RHBG: variants seen among roughly 807,000 people sequenced by gnomAD.
RHBG encodes ammonium transporter Rh type B.
In RHBG, 39 loss-of-function variants were observed where a neutral mutation model predicts 40.1. The observed-to-expected ratio is 0.97, with a 90% CI of 0.75 to 1.27. RHBG has a LOEUF of 1.27. Among genes scored for constraint, RHBG ranks in the 50% most tolerant of loss-of-function variants. The probability of loss-of-function intolerance (pLI) is 0.00; values close to 1 mark genes in which losing one functional copy is unlikely to be tolerated. For missense variants in RHBG, 549 were observed against 588.1 expected (o/e 0.93, Z 0.69); for synonymous variants, 237 against 252.5 (o/e 0.94, Z 0.58).
Position 156,377,422 on chromosome 1 carries a change from G to T in RHBG, c.309G>T (p.Trp103Cys). The T allele has an allele frequency of 6.2e-7, 1 of 1,614,178 alleles. No individual in the cohort carries two copies. The highest frequency in any genetic ancestry group is 2.2e-5 in the East Asian group (1 of 44,888). The change falls in exon 2 of 10, where the codon TGG becomes TGT. Residue 103 changes from tryptophan to cysteine, a missense_variant. By Grantham distance (215) the Trp-to-Cys change is radical. Around this residue, in one of 3 missense-constraint regions of RHBG, gnomAD observed 51 missense variants for 85.9 expected, o/e 0.59. Coordinates refer to ENST00000537040, the MANE Select transcript of RHBG (RefSeq NM_020407.5). The surrounding 1 kb of genome is among the most constrained non-coding windows in gnomAD (Gnocchi z 4.6). ...TCCTGGCCGCCTTTGCCCTGCAGTGGTCCACACTGGTCCAGGGCTTTCTCC... is the reference window on the plus strand; with the variant it reads ...TCCTGGCCGCCTTTGCCCTGCAGTGTTCCACACTGGTCCAGGGCTTTCTCC... ...TFLLAAFALQWSTLVQGFLHS... is the reference protein window; with the variant it reads ...TFLLAAFALQCSTLVQGFLHS...
In RHBG at chr1:156,384,565, G is replaced by A. The variant is rs1667917101; in HGVS notation, c.1273G>A (p.Asp425Asn). The A allele has an allele frequency of 6.3e-7, 1 of 1,582,406 alleles. No homozygotes were observed. Among genetic ancestry groups the A allele is most frequent in the South Asian group, 1.1e-5 (1 of 87,634 alleles). The change falls in exon 9 of 10, where the codon GAC becomes AAC. Residue 425 changes from aspartate to asparagine, a missense_variant. Transcript: ENST00000537040. The stretch of plus-strand genomic sequence containing the variant: ...GCTACCCTTTCTGGACTCCCCCCCA[G>A]ACTCCCAGCACTACGAGGACCAAGT... The part of the protein sequence containing the change: ...LKLPFLDSPP[D>N]SQHYEDQVHW...
intron 1 of RHBG, among the ~76,000 whole-genome samples, chr1:156,376,506 G>C (rs1385660339): frequency 6.6e-6 from 1 of 152,084 alleles, no homozygotes; most frequent in East Asian, 1.9e-4. Context: ...TGGCATTACA[G>C]GTGCGTGCCA....
chr1:156,383,068 C>A (rs986468284), intron 8 of RHBG, among the ~76,000 whole-genome samples, 199 bp downstream of exon 8: 5 of 152,212 alleles, frequency 3.3e-5, no homozygotes, highest in Admixed American at 2.0e-4. Context: ...CCGAGGGCAG[C>A]TGGGGAGTCC....
Position 156,377,466 on chromosome 1 carries a change from AC to A in RHBG, c.354del (p.His118GlnfsTer9). ...TTTCTCCACTCCTTCCACGGTGGCC[AC>A]ATCCATGTTGGCGTGGAGAGGTGGG... ...QGFLHSFHGG[H>X]IHVGVESMIN... On this transcript the variant is annotated frameshift_variant, in exon 2 of 10. Transcript: ENST00000537040. LOFTEE classifies it high-confidence loss of function. This position sits in a 1 kb window ranked among gnomAD's most constrained non-coding sequence, Gnocchi z 4.6. The A allele has an allele frequency of 3.1e-6, 5 of 1,611,910 alleles. No individual in the cohort carries two copies. Among genetic ancestry groups the A allele is most frequent in the Non-Finnish European group, 4.2e-6 (5 of 1,178,180 alleles).
chr1:156,371,655 A>G (rs1034382915), intron 1 of RHBG: 1 of 154,370 alleles, frequency 6.5e-6, no homozygotes, highest in African/African-American at 2.4e-5. Context: ...CCCATATTTC[A>G]TCCACAGCCC....
At chr1:156,375,880 C>T (rs545391206) in intron 1 of RHBG, among the ~76,000 whole-genome samples, 2 of 152,032 alleles carry the variant, frequency 1.3e-5, no homozygotes, top group South Asian at 2.1e-4. Context: ...GCTGGGACTA[C>T]AGGCACATGC....
In RHBG at chr1:156,377,365, T is replaced by A. The variant is rs1571000523; in HGVS notation, c.252T>A (p.Arg84=). Residue 84 remains arginine (R), a synonymous_variant, in exon 2 of 10, where the codon CGT becomes CGA. Transcript: ENST00000537040. This position sits in a 1 kb window ranked among gnomAD's most constrained non-coding sequence, Gnocchi z 4.6. ...GFGFLMVFLQ[R]YGFSSVGFTF... ...GCTTCCTCATGGTCTTCCTGCAGCG[T>A]TACGGCTTCAGCAGCGTGGGCTTCA... is the stretch of plus-strand genomic sequence containing the variant. 6.2e-7 allele frequency: 1 copy of A among 1,614,166 alleles called. No individual in the cohort carries two copies. The highest frequency in any genetic ancestry group is 1.3e-5 in the African/African-American group (1 of 75,068).
intron 4 of RHBG, among the ~76,000 whole-genome samples, chr1:156,380,832 T>C (rs1326951887): frequency 6.6e-6 from 1 of 152,178 alleles, no homozygotes; most frequent in Admixed American, 6.5e-5. Flanking sequence ...GGGCATTTTG[T>C]GCCTGCTAGG....
In RHBG at chr1:156,369,342, T is replaced by G; in HGVS notation, c.93T>G (p.Ala31=). 6.2e-7 allele frequency: 1 copy of G among 1,614,220 alleles called. No homozygotes were observed. Among genetic ancestry groups the G allele is most frequent in the Non-Finnish European group, 8.5e-7 (1 of 1,180,038 alleles). Residue 31 remains alanine (A), a synonymous_variant, in exon 1 of 10, where the codon GCT becomes GCG. Transcript: ENST00000537040. The part of the protein sequence containing the change: ...FLQGATAVLF[A]VFVRYNHKTD... ...AGGGCGCCACTGCCGTCCTCTTTGCTGTCTTTGTCCGCTACAACCACAAAA... is the reference window on the plus strand; with the variant it reads ...AGGGCGCCACTGCCGTCCTCTTTGCGGTCTTTGTCCGCTACAACCACAAAA...
Position 156,384,951 on chromosome 1 carries a change from C to A in RHBG, c.*106C>A. The A allele has an allele frequency of 1.4e-6, 1 of 719,546 alleles. No individual in the cohort carries two copies. Among genetic ancestry groups the A allele is most frequent in the Non-Finnish European group, 2.4e-6 (1 of 422,574 alleles). 44.6% of individuals were successfully genotyped at this position (719,546 alleles called of 1,614,324 possible). On this transcript the variant is annotated 3_prime_UTR_variant, in exon 10 of 10. Coordinates refer to ENST00000537040, the MANE Select transcript of RHBG (RefSeq NM_020407.5). ...CATTCCTCCAGCTGCAAGAAGGGAG[C>A]CATGAGCCAGAAGGAGGCCCCTTTC...
chr1:156,381,363 G>A lies in RHBG; in HGVS notation c.690G>A (p.Trp230Ter), dbSNP rs1667619535. 1 of 1,614,128 alleles carries A rather than the reference G, an allele frequency of 6.2e-7. No individual in the cohort carries two copies. Among genetic ancestry groups the A allele is most frequent in the South Asian group, 1.1e-5 (1 of 91,088 alleles). ...ACCATCTAGGGACCATCTTCCTGTG[G>A]ATCTTCTGGCCTAGCTTCAATGCTG... ...LFAMIGTIFL[W>*]IFWPSFNAAL... Residue 230 changes from tryptophan to a stop codon, truncating the protein, a stop_gained, in exon 5 of 10, where the codon TGG becomes TGA. Transcript: ENST00000537040. LOFTEE classifies it high-confidence loss of function.
intron 4 of RHBG, among the ~76,000 whole-genome samples, chr1:156,380,234 CT>C (rs1483044979): frequency 6.6e-6 from 1 of 151,624 alleles, no homozygotes; most frequent in Non-Finnish European, 1.5e-5. Flanking sequence ...CCTCAGCCTC[CT>C]GAGGAGCTGG....
rs760815078 is a variant in RHBG at position 156,382,787 on chromosome 1, C to T, written c.1152C>T (p.Arg384=). Residue 384 remains arginine, a synonymous_variant, in exon 8 of 10, where the codon CGC becomes CGT. Transcript: ENST00000537040. The part of the protein sequence containing the change: ...SVFPLIAEGQ[R]SATSQAMHQL... ...TTCCACTCATAGCCGAGGGCCAGCG[C>T]AGTGCCACGTCACAGGCCATGCACC... 7 of 1,614,202 alleles carry T rather than the reference C, an allele frequency of 4.3e-6. No individual in the cohort carries two copies. The South Asian group carries it at 6.6e-5, about 15-fold the overall frequency.
chr1:156,384,720 T>A (rs1667928207), intron 9 of RHBG, 57 bp from the exon 10 acceptor site: 8 of 1,585,716 alleles, frequency 5.0e-6, no homozygotes, highest in Non-Finnish European at 5.2e-6. Context: ...ACCCCTGAAC[T>A]GTGGCTTCCA....
At position 156,381,921 on chromosome 1, in the gene RHBG, C is replaced by T. The variant is rs745672425; in HGVS notation, c.956C>T (p.Thr319Met). ...GGCTTCTTGGCTGGGACTGTCTCCA[C>T]GCTGGGGTACAAGTTCTTCACGGTA... is the stretch of plus-strand genomic sequence containing the variant. ...AAGFLAGTVSTLGYKFFTPIL... is the reference protein window; with the variant it reads ...AAGFLAGTVSMLGYKFFTPIL... The change falls in exon 6 of 10, where the codon ACG becomes ATG. Residue 319 changes from threonine to methionine, a missense_variant. Physicochemically the swap from Thr to Met is moderately conservative, Grantham distance 81 (BLOSUM62 -1). Coordinates refer to ENST00000537040, the MANE Select transcript of RHBG (RefSeq NM_020407.5). 1.6e-5 allele frequency: 25 copies of T among 1,611,390 alleles called. No homozygotes were observed. The highest frequency in any genetic ancestry group is 8.9e-5 in the East Asian group (4 of 44,876).
Position 156,381,533 on chromosome 1 carries a change from A to C in RHBG, c.840+20A>C, listed in dbSNP as rs776025164. 3 of 1,588,702 alleles carry C rather than the reference A, an allele frequency of 1.9e-6. No homozygotes were observed. Among genetic ancestry groups the C allele is most frequent in the East Asian group, 2.2e-5 (1 of 44,688 alleles). On this transcript the variant is annotated intron_variant, in intron 5 of 9. Transcript: ENST00000537040. ...GACATGGTATGGGGAAGAGGACTTC[A>C]GAGAGGCAGAGGGGGTGGCCTGGGC... is the stretch of plus-strand genomic sequence containing the variant.
rs774797865 is a variant in RHBG, at chr1:156,382,193, C to T, written c.1104C>T (p.Tyr368=). ...LVAGLATHEA[Y]GDGLESVFPL... ...CTGGACTTGCCACCCATGAAGCTTA[C>T]GGAGATGGGTGAGTTTCCTCCCAAC... Residue 368 remains tyrosine (Y), a synonymous_variant, in exon 7 of 10, where the codon TAC becomes TAT. Transcript: ENST00000537040. The T allele has an allele frequency of 2.5e-5, 41 of 1,613,964 alleles. No homozygotes were observed. Among genetic ancestry groups the T allele is most frequent in the African/African-American group, 1.3e-5 (1 of 74,890 alleles).
chr1:156,385,073 A>T lies in RHBG; in HGVS notation c.*228A>T, dbSNP rs894902906. ...GGTACAATAGGGGGAACCTCACCAG[A>T]TGCCCAACCCGACTGCCCTACCAGC... On this transcript the variant is annotated 3_prime_UTR_variant, in exon 10 of 10. Transcript: ENST00000537040. 4.3e-5 allele frequency: 21 copies of T among 488,254 alleles called. No homozygotes were observed. Among genetic ancestry groups the T allele is most frequent in the Non-Finnish European group, 7.8e-5 (21 of 269,836 alleles). 30.2% of individuals were successfully genotyped at this position (488,254 alleles called of 1,614,324 possible). A position where few individuals can be genotyped will look rare whatever the true frequency, so the allele number is the denominator to read the frequency against.
Position 156,381,810 on chromosome 1 carries a change from A to G in RHBG, c.845A>G (p.His282Arg). 6.3e-7 allele frequency: 1 copy of G among 1,583,536 alleles called. No homozygotes were observed. The highest frequency in any genetic ancestry group is 8.5e-7 in the Non-Finnish European group (1 of 1,172,310). ...VGEDGRLDMV[H>R]IQNAALAGGV... ...AACACCTTGCTCTTCCCTTAGGTCC[A>G]CATCCAAAATGCAGCGCTGGCTGGA... Residue 282 changes from histidine (H) to arginine (R), a missense_variant, in exon 6 of 10, where the codon CAC becomes CGC. By Grantham distance (29) the His-to-Arg change is conservative. Coordinates refer to ENST00000537040, the MANE Select transcript of RHBG (RefSeq NM_020407.5).
Sources: gnomAD v4.1 joint callset for allele counts (sites outside exome capture counted in the v4.1 genomes callset) on GRCh38, gnomAD v4.1.1 for gene constraint, gnomAD v4.1.1 regional missense constraint, Gnocchi (gnomAD v3.1) non-coding constraint, MANE v1.5 for transcripts, NCBI Gene and HGNC (gene_info 2026-07-23, HGNC 2026-07-21) for gene names.